The following ZNF385B variants were observed in gnomAD, a reference collection of about 807,000 sequenced individuals.
ZNF385B encodes the protein zinc finger protein 385B, also known as zinc finger protein 533.
ZNF385B carries 23 observed loss-of-function variants against 39.2 expected under a neutral mutation model. That is an observed-to-expected ratio of 0.59 (90% CI 0.42 to 0.83). ZNF385B has a LOEUF of 0.83. Ranked by LOEUF, ZNF385B falls within the 40% of genes least tolerant of loss-of-function variation. The probability of loss-of-function intolerance (pLI) is 0.00; values close to 1 mark genes in which losing one functional copy is unlikely to be tolerated. For missense variants in ZNF385B, 552 were observed against 598.9 expected, an observed-to-expected ratio of 0.92 and a Z score of 0.82; for synonymous variants, 205 against 222.6, an observed-to-expected ratio of 0.92 and a Z score of 0.70.
At chr2:179,452,707 C>G (rs1331611360) in intron 6 of ZNF385B, among the ~76,000 whole-genome samples, 1 of 151,980 alleles carries the variant, frequency 6.6e-6, no homozygotes, top group African/African-American at 2.4e-5. Flanking sequence ...AATTCATGCT[C>G]ACTGCAGAAA....
intron 3 of ZNF385B, among the ~76,000 whole-genome samples, chr2:179,742,745 A>C (rs1160723834): frequency 1.3e-5 from 2 of 152,106 alleles, no homozygotes; most frequent in Non-Finnish European, 2.9e-5. Context: ...TGTTGGATTT[A>C]TACAATCAGG....
chr2:179,727,199 A>G (rs1701078622), intron 3 of ZNF385B, among the ~76,000 whole-genome samples: 1 of 152,078 alleles, frequency 6.6e-6, no homozygotes, highest in Non-Finnish European at 1.5e-5. Flanking sequence ...TAACCACTCA[A>G]TTTTATGACT....
chr2:179,529,275 C>T (rs573241239), intron 4 of ZNF385B, among the ~76,000 whole-genome samples: 56 of 152,172 alleles, frequency 3.7e-4, no homozygotes, highest in African/African-American at 1.3e-3. Context: ...GGTAATGAGC[C>T]GAATTATGTC....
intron 3 of ZNF385B, among the ~76,000 whole-genome samples, chr2:179,663,485 C>T (rs571290785): frequency 7.7e-4 from 117 of 152,020 alleles, no homozygotes; most frequent in Non-Finnish European, 1.4e-3. Context: ...CCGAGGCAGG[C>T]GGATCATGAG....
intron 4 of ZNF385B, among the ~76,000 whole-genome samples, chr2:179,534,146 C>T (rs2059422443): frequency 6.6e-6 from 1 of 152,120 alleles, no homozygotes; most frequent in Non-Finnish European, 1.5e-5. Flanking sequence ...TGCTAAGTAC[C>T]AGGAATAACT....
chr2:179,678,997 G>A (rs531177092), intron 3 of ZNF385B, among the ~76,000 whole-genome samples: 1 of 152,250 alleles, frequency 6.6e-6, no homozygotes, highest in East Asian at 1.9e-4. Context: ...GTTAGAAATT[G>A]TGCTTTCTTA....
chr2:179,827,686 A>G (rs192310442), intron 1 of ZNF385B, among the ~76,000 whole-genome samples: 2 of 152,294 alleles, frequency 1.3e-5, no homozygotes, highest in Admixed American at 1.3e-4. Flanking sequence ...TGCTGCCTTC[A>G]CTGGAGCCAA....
chr2:179,501,814 T>C (rs531360142), intron 5 of ZNF385B, among the ~76,000 whole-genome samples: 2 of 152,188 alleles, frequency 1.3e-5, no homozygotes, highest in Non-Finnish European at 2.9e-5. Context: ...TTATTTCACA[T>C]TGCATGCCCA....
chr2:179,466,664 T>TA (rs1343413400), intron 6 of ZNF385B, among the ~76,000 whole-genome samples: 1 of 152,002 alleles, frequency 6.6e-6, no homozygotes, highest in African/African-American at 2.4e-5. Context: ...CTCATACCTG[T>TA]AATCCCAGCA....
At chr2:179,646,725 A>G (rs923650522) in intron 3 of ZNF385B, among the ~76,000 whole-genome samples, 9 of 152,222 alleles carry the variant, frequency 5.9e-5, no homozygotes, top group African/African-American at 2.2e-4. Flanking sequence ...AAGTGAGTAC[A>G]TTTATAAAAA....
chr2:179,763,762 T>C (rs938939064), intron 3 of ZNF385B, among the ~76,000 whole-genome samples: 8 of 152,218 alleles, frequency 5.3e-5, no homozygotes, highest in South Asian at 2.1e-4. Context: ...AAGAGATATA[T>C]TGTTTAATTT....
chr2:179,717,655 GAGCTTGACGCTGC>G (rs1482324095), intron 3 of ZNF385B, among the ~76,000 whole-genome samples: 2 of 152,190 alleles, frequency 1.3e-5, no homozygotes, highest in Non-Finnish European at 2.9e-5. Context: ...CTGAGCCCAG[GAGCTTGACGCTGC>G]AGTGAGCTGT....
At chr2:179,745,585 C>T (rs79002982) in intron 3 of ZNF385B, 21,755 of 777,206 alleles carry the variant, frequency 0.028, 368 homozygotes, top group Middle Eastern at 0.044. Context: ...AGCTTTGCTC[C>T]TTCAGATGTG....
At chr2:179,746,120 C>T (rs1702368027) in intron 3 of ZNF385B, 4 of 802,514 alleles carry the variant, frequency 5.0e-6, no homozygotes, top group Non-Finnish European at 6.1e-6. Flanking sequence ...ATGAAATCAG[C>T]CACTGTGATC....
chr2:179,688,297 T>C (rs1225295331), intron 3 of ZNF385B, among the ~76,000 whole-genome samples: 1 of 152,090 alleles, frequency 6.6e-6, no homozygotes, highest in Non-Finnish European at 1.5e-5. Flanking sequence ...GGGTTATGGA[T>C]CCTTTTCAGA....
intron 1 of ZNF385B, among the ~76,000 whole-genome samples, chr2:179,804,516 A>G (rs1381259886): frequency 6.6e-6 from 1 of 152,176 alleles, no homozygotes; most frequent in Non-Finnish European, 1.5e-5. Flanking sequence ...GGTACTCTAA[A>G]GGCGTATTAC....
intron 3 of ZNF385B, among the ~76,000 whole-genome samples, chr2:179,692,824 G>A (rs973017142): frequency 6.6e-6 from 1 of 152,170 alleles, no homozygotes; most frequent in Non-Finnish European, 1.5e-5. Context: ...CTCAGTGCTT[G>A]CTGGAGCTTC....
chr2:179,564,027 T>C (rs1018326616), intron 3 of ZNF385B, among the ~76,000 whole-genome samples: 5 of 152,194 alleles, frequency 3.3e-5, no homozygotes, highest in African/African-American at 1.2e-4. Flanking sequence ...ACGTCTCACA[T>C]ATTTTTAGTT....
chr2:179,837,079 A>C (rs1019582785), intron 1 of ZNF385B, among the ~76,000 whole-genome samples: 3 of 152,186 alleles, frequency 2.0e-5, no homozygotes, highest in African/African-American at 7.2e-5. Flanking sequence ...AGCTAATTAA[A>C]GGGTCAGCTG....
Sources: gnomAD v4.1 joint callset for allele counts (sites outside exome capture counted in the v4.1 genomes callset) on GRCh38, gnomAD v4.1.1 for gene constraint, MANE v1.5 for transcripts, NCBI Gene and HGNC (gene_info 2026-07-23, HGNC 2026-07-21) for gene names.